Variants in ZFHX3 observed in about 807,000 individuals in gnomAD.
ZFHX3 encodes zinc finger homeobox protein 3.
In ZFHX3, 42 loss-of-function variants were observed where a neutral mutation model predicts 279.1. The ratio of observed to expected loss-of-function variants is 0.15; its 90% CI spans 0.12 to 0.19. The LOEUF is 0.19. Ranked by LOEUF, ZFHX3 falls within the 10% of genes least tolerant of loss-of-function variation. The pLI is 1.00. For missense variants in ZFHX3, 4,981 were observed against 4,754.0 expected (o/e 1.05, Z -1.40); for synonymous variants, 2,293 against 1,957.8 (o/e 1.17, Z -4.52).
intron 7 of ZFHX3, among the ~76,000 whole-genome samples, chr16:73,121,138 A>T (rs938873840): frequency 6.6e-6 from 1 of 152,258 alleles, no homozygotes; most frequent in African/African-American, 2.4e-5. Context: ...AAATCAAAGC[A>T]ATATAATATA....
chr16:73,372,107 C>T (rs1268518088), intron 3 of ZFHX3, among the ~76,000 whole-genome samples: 1 of 152,188 alleles, frequency 6.6e-6, no homozygotes, highest in Non-Finnish European at 1.5e-5. Context: ...AGCAGTCTTC[C>T]CTGGGACTTT....
chr16:73,232,737 G>A (rs1259375634), intron 5 of ZFHX3: 1 of 152,234 alleles, frequency 6.6e-6, no homozygotes, highest in Non-Finnish European at 1.5e-5. Flanking sequence ...AGCGGCAGCA[G>A]TGAGGTAAAA....
chr16:72,963,593 G>A (rs935045108), intron 1 of ZFHX3, among the ~76,000 whole-genome samples: 3 of 152,162 alleles, frequency 2.0e-5, no homozygotes, highest in African/African-American at 7.2e-5. Context: ...AAAGCCCACT[G>A]CATCTTTGCA....
intron 4 of ZFHX3, among the ~76,000 whole-genome samples, chr16:73,287,376 GGGCCAGTGTGTGGGT>G: frequency 7.1e-6 from 1 of 141,410 alleles, no homozygotes; most frequent in South Asian, 2.4e-4. Context: ...GTGGGTGTGT[GGGCCAGTGTGTGGGT>G]GGTGGGTGTG....
At chr16:73,179,310 C>T (rs540261599) in intron 5 of ZFHX3, among the ~76,000 whole-genome samples, 1 of 152,250 alleles carries the variant, frequency 6.6e-6, no homozygotes, top group East Asian at 1.9e-4. Flanking sequence ...TCTGGGCCAC[C>T]TACAAGTAAC....
At chr16:72,985,228 C>T (rs1409895192) in intron 1 of ZFHX3, among the ~76,000 whole-genome samples, 2 of 152,106 alleles carry the variant, frequency 1.3e-5, no homozygotes, top group Admixed American at 1.3e-4. Flanking sequence ...ATGAACCACA[C>T]CAGAGATGGG....
intron 5 of ZFHX3, among the ~76,000 whole-genome samples, chr16:73,155,847 CATGTATAT>C (rs1285233813): frequency 7.5e-6 from 1 of 132,480 alleles, no homozygotes; most frequent in Admixed American, 7.5e-5. Context: ...AAACAAACTA[CATGTATAT>C]ATGTATATAT....
chr16:72,895,451 G>T (rs1395212020), intron 3 of ZFHX3, among the ~76,000 whole-genome samples: 1 of 152,076 alleles, frequency 6.6e-6, no homozygotes, highest in African/African-American at 2.4e-5. Context: ...CACTTGGTTG[G>T]GCCAACCTCT....
chr16:73,628,333 G>A (rs1020196847), intron 2 of ZFHX3, among the ~76,000 whole-genome samples: 7 of 152,110 alleles, frequency 4.6e-5, no homozygotes, highest in Non-Finnish European at 8.8e-5. Context: ...GAGTTCAAAT[G>A]TATGGATCTA....
chr16:73,045,763 AT>A (rs1965273268), intron 1 of ZFHX3, among the ~76,000 whole-genome samples: 1 of 137,580 alleles, frequency 7.3e-6, no homozygotes, highest in African/African-American at 2.7e-5. Flanking sequence ...CAGTAGCTCT[AT>A]TTCATAGAAA....
At chr16:73,846,574 TG>T (rs1389446198) in intron 1 of ZFHX3, among the ~76,000 whole-genome samples, 34 of 152,168 alleles carry the variant, frequency 2.2e-4, no homozygotes, top group Admixed American at 2.2e-3. Context: ...AATGAATGAA[TG>T]GACAACTAAT....
chr16:73,198,476 G>A (rs1313477320), intron 5 of ZFHX3, among the ~76,000 whole-genome samples: 1 of 151,692 alleles, frequency 6.6e-6, no homozygotes, highest in Admixed American at 6.6e-5. Flanking sequence ...AAAATAAATC[G>A]GTAGAATTTC....
intron 2 of ZFHX3, among the ~76,000 whole-genome samples, chr16:73,582,407 C>G (rs111830133): frequency 6.6e-6 from 1 of 151,822 alleles, no homozygotes; most frequent in Non-Finnish European, 1.5e-5. Context: ...CTACATACTT[C>G]TAACGTTCTT....
intron 4 of ZFHX3, among the ~76,000 whole-genome samples, chr16:72,876,239 A>C (rs1170932453): frequency 6.6e-6 from 1 of 152,142 alleles, no homozygotes; most frequent in African/African-American, 2.4e-5. Flanking sequence ...ATAGAAGCAA[A>C]TTTTACTGTT....
At chr16:73,362,557 T>A (rs1479712590) in intron 3 of ZFHX3, among the ~76,000 whole-genome samples, 1 of 152,214 alleles carries the variant, frequency 6.6e-6, no homozygotes, top group Non-Finnish European at 1.5e-5. Context: ...TCAGTGAACA[T>A]CCTGCAAATG....
chr16:73,708,503 G>A (rs2053326816), intron 1 of ZFHX3, among the ~76,000 whole-genome samples: 1 of 152,158 alleles, frequency 6.6e-6, no homozygotes, highest in African/African-American at 2.4e-5. Flanking sequence ...TCTATAGCTT[G>A]GTCTTGGCCC....
chr16:73,355,306 G>GA lies in ZFHX3; in HGVS notation c.-1290-36971dup, dbSNP rs1448232245. Among the ~76,000 whole-genome samples the GA allele has an allele frequency of 2.6e-5, 4 of 152,162 alleles. No homozygotes were observed. In the East Asian group the frequency reaches 7.7e-4, roughly 29 times the overall value. On this transcript the variant is annotated intron_variant, in intron 3 of 17. Coordinates refer to the ZFHX3 transcript ENST00000641206. ...ATAAAGATTTTCCCAGTGGACTCCT[G>GA]ACATGAATAATAATAATAAGAGGAA...
intron 1 of ZFHX3, among the ~76,000 whole-genome samples, chr16:73,804,189 A>G (rs924259102): frequency 3.3e-5 from 5 of 152,136 alleles, no homozygotes; most frequent in African/African-American, 1.2e-4. Context: ...CTAGAAACAT[A>G]AATTACAAGG....
intron 1 of ZFHX3, among the ~76,000 whole-genome samples, chr16:73,689,387 CA>C (rs528068436): frequency 1.5e-3 from 229 of 152,270 alleles, no homozygotes; most frequent in Non-Finnish European, 2.7e-3. Flanking sequence ...ATTGATTTTG[CA>C]TCATGCCTGA....
Sources: gnomAD v4.1 joint callset for allele counts (sites outside exome capture counted in the v4.1 genomes callset) on GRCh38, gnomAD v4.1.1 for gene constraint, MANE v1.5 for transcripts, NCBI Gene and HGNC (gene_info 2026-07-23, HGNC 2026-07-21) for gene names.